The following GPC6 variants were observed in gnomAD, a reference collection of about 807,000 sequenced individuals.
GPC6 encodes glypican 6, also known as glypican-6.
GPC6 carries 14 observed loss-of-function variants against 55.2 expected under a neutral mutation model. The observed-to-expected ratio is 0.25, with a 90% CI of 0.17 to 0.40. The LOEUF (loss-of-function observed/expected upper bound fraction) is 0.40, where lower values mean the gene tolerates loss of function less well. Among genes scored for constraint, GPC6 ranks in the 10% least tolerant of loss-of-function variants. The pLI, the probability that GPC6 is intolerant of heterozygous loss-of-function variation, is 1.00. For missense variants in GPC6, 641 were observed against 708.5 expected (o/e 0.90, Z 1.08); for synonymous variants, 278 against 259.6 (o/e 1.07, Z -0.68).
intron 4 of GPC6, among the ~76,000 whole-genome samples, chr13:94,174,503 G>T (rs567191490): frequency 1.3e-5 from 2 of 152,150 alleles, no homozygotes; most frequent in South Asian, 4.1e-4. Flanking sequence ...GAACAAGGAA[G>T]CACAAAATTG....
At chr13:93,528,535 A>G (rs1881738527) in intron 1 of GPC6, among the ~76,000 whole-genome samples, 1 of 152,142 alleles carries the variant, frequency 6.6e-6, no homozygotes, top group Non-Finnish European at 1.5e-5. Flanking sequence ...GATCTAACCA[A>G]ACTTGTCCAT....
chr13:94,030,744 C>T (rs1883092139), intron 4 of GPC6, among the ~76,000 whole-genome samples: 1 of 152,234 alleles, frequency 6.6e-6, no homozygotes, highest in African/African-American at 2.4e-5. Flanking sequence ...CCAGTTTGTA[C>T]ATCTTATAGA....
chr13:94,285,536 A>C (rs1033105636), intron 4 of GPC6, among the ~76,000 whole-genome samples: 5 of 152,202 alleles, frequency 3.3e-5, no homozygotes, highest in African/African-American at 4.8e-5. Context: ...AGAACCTGCT[A>C]AGAGATGATT....
chr13:94,018,511 G>A (rs1364416610), intron 3 of GPC6, among the ~76,000 whole-genome samples: 2 of 152,098 alleles, frequency 1.3e-5, no homozygotes, highest in Non-Finnish European at 2.9e-5. Context: ...GGCTGGTCTC[G>A]AACTCCTGAC....
chr13:93,298,900 GT>G (rs138697717), intron 1 of GPC6, among the ~76,000 whole-genome samples: 6,287 of 140,196 alleles, frequency 0.045, 203 homozygotes, highest in African/African-American at 0.093. Context: ...TTCTCTTAGG[GT>G]TTTTTTTTTT....
intron 2 of GPC6, among the ~76,000 whole-genome samples, chr13:93,714,246 A>G (rs1594393934): frequency 1.3e-5 from 2 of 152,012 alleles, no homozygotes; most frequent in East Asian, 3.9e-4. Context: ...AGCAAATGAA[A>G]AACAACCCCA....
chr13:93,912,750 AC>A (rs1174516080), intron 3 of GPC6, among the ~76,000 whole-genome samples: 4 of 152,182 alleles, frequency 2.6e-5, no homozygotes, highest in African/African-American at 9.7e-5. Flanking sequence ...CTCAAAAAAA[AC>A]AAAACAAAAC....
intron 6 of GPC6, among the ~76,000 whole-genome samples, chr13:94,336,627 C>T (rs1049903348): frequency 5.9e-5 from 9 of 152,074 alleles, no homozygotes; most frequent in African/African-American, 2.2e-4. Context: ...AGGGTTGGTG[C>T]TCAATATAGT....
chr13:93,954,498 G>A (rs1879408362), intron 3 of GPC6, among the ~76,000 whole-genome samples: 1 of 152,034 alleles, frequency 6.6e-6, no homozygotes, highest in Non-Finnish European at 1.5e-5. Flanking sequence ...TGTAGAGACA[G>A]GTTTCACCAT....
chr13:93,925,103 G>A (rs1017862102), intron 3 of GPC6, among the ~76,000 whole-genome samples: 3 of 152,076 alleles, frequency 2.0e-5, no homozygotes, highest in African/African-American at 7.2e-5. Flanking sequence ...TACCTACTTT[G>A]TCTCATTTTA....
intron 6 of GPC6, among the ~76,000 whole-genome samples, chr13:94,373,479 A>G (rs190261231): frequency 6.6e-6 from 1 of 152,346 alleles, no homozygotes; most frequent in East Asian, 1.9e-4. Flanking sequence ...GGAAGATGAA[A>G]TGAATTAAAT....
intron 4 of GPC6, among the ~76,000 whole-genome samples, chr13:94,236,833 G>A (rs866328299): frequency 5.9e-5 from 9 of 151,780 alleles, no homozygotes; most frequent in Middle Eastern, 3.5e-3. Flanking sequence ...TGGAGACAGA[G>A]TTCCTCTAAC....
intron 3 of GPC6, among the ~76,000 whole-genome samples, chr13:93,965,236 C>A (rs1487003046): frequency 6.6e-6 from 1 of 150,450 alleles, no homozygotes; most frequent in East Asian, 2.0e-4. Context: ...ACGGTGAAAC[C>A]CCCTCTCTAC....
chr13:93,740,418 C>T (rs1258998470), intron 2 of GPC6, among the ~76,000 whole-genome samples: 16 of 152,132 alleles, frequency 1.1e-4, no homozygotes, highest in South Asian at 1.0e-3. Flanking sequence ...AAGCATTGTG[C>T]GGCAATTAAG....
intron 2 of GPC6, among the ~76,000 whole-genome samples, chr13:93,804,820 G>C (rs1213629150): frequency 2.0e-5 from 3 of 152,118 alleles, no homozygotes; most frequent in Non-Finnish European, 4.4e-5. Flanking sequence ...GCTTCTCCAT[G>C]TAATAGCTGC....
intron 5 of GPC6, among the ~76,000 whole-genome samples, chr13:94,292,941 G>C (rs1191714811): frequency 6.6e-6 from 1 of 152,088 alleles, no homozygotes; most frequent in Non-Finnish European, 1.5e-5. Context: ...AAAATATATT[G>C]GCTATGCCTA....
At chr13:94,147,725 GT>G (rs1214195862) in intron 4 of GPC6, among the ~76,000 whole-genome samples, 7 of 152,112 alleles carry the variant, frequency 4.6e-5, no homozygotes, top group Non-Finnish European at 2.9e-5. Context: ...TGTCTCATCT[GT>G]AAGCTGGGAG....
chr13:93,366,133 A>T (rs1881239134), intron 1 of GPC6, among the ~76,000 whole-genome samples: 1 of 152,020 alleles, frequency 6.6e-6, no homozygotes, highest in Non-Finnish European at 1.5e-5. Flanking sequence ...TCCCCTTGTA[A>T]TTATGCTCTC....
upstream of GPC6, among the ~76,000 whole-genome samples, chr13:93,223,752 A>G (rs1875682322): frequency 2.0e-5 from 3 of 151,588 alleles, no homozygotes; most frequent in African/African-American, 4.8e-5. Context: ...CAGAGACACA[A>G]TCTTAAAATA....
Sources: gnomAD v4.1 joint callset for allele counts (sites outside exome capture counted in the v4.1 genomes callset) on GRCh38, gnomAD v4.1.1 for gene constraint, MANE v1.5 for transcripts, NCBI Gene and HGNC (gene_info 2026-07-23, HGNC 2026-07-21) for gene names.